Variants in PALM2AKAP2 observed in about 807,000 individuals in gnomAD.
PALM2AKAP2 encodes PALM2 and AKAP2 fusion.
Under a neutral mutation model 71.5 loss-of-function variants are expected in PALM2AKAP2, and 37 were observed. The ratio of observed to expected loss-of-function variants is 0.52; its 90% CI spans 0.40 to 0.68. The LOEUF (loss-of-function observed/expected upper bound fraction) is 0.68, where lower values mean the gene tolerates loss of function less well. Ranked by LOEUF, PALM2AKAP2 falls within the 30% of genes least tolerant of loss-of-function variation. PALM2AKAP2 has a pLI of 0.00. For synonymous variants in PALM2AKAP2, 468 were observed against 478.8 expected (o/e 0.98, Z 0.29); for missense variants, 1,224 against 1,191.8 (o/e 1.03, Z -0.40).
intron 1 of PALM2AKAP2, among the ~76,000 whole-genome samples, chr9:109,798,615 C>G (rs549100016): frequency 3.3e-5 from 5 of 152,336 alleles, no homozygotes; most frequent in Admixed American, 6.5e-5. Flanking sequence ...TTGGGCAAAG[C>G]TGTAAACTAC....
intron 6 of PALM2AKAP2, among the ~76,000 whole-genome samples, chr9:109,969,088 G>GCA (rs34057385): frequency 0.64 from 95,418 of 149,578 alleles, 30,425 homozygotes; most frequent in African/African-American, 0.74. Context: ...AAATGTGCGT[G>GCA]CACACACACA....
At chr9:109,936,277 T>A (rs1473289117) in intron 6 of PALM2AKAP2, among the ~76,000 whole-genome samples, 2 of 152,244 alleles carry the variant, frequency 1.3e-5, no homozygotes, top group Non-Finnish European at 2.9e-5. Flanking sequence ...CAATAAATTA[T>A]TGTTGGCTTT....
intron 3 of PALM2AKAP2, among the ~76,000 whole-genome samples, chr9:109,922,087 T>G (rs1012336420): frequency 6.6e-6 from 1 of 151,702 alleles, no homozygotes; most frequent in Non-Finnish European, 1.5e-5. Flanking sequence ...TTATTTTAGG[T>G]CTAAGTCTAA....
chr9:109,840,516 T>G (rs1828628296), intron 1 of PALM2AKAP2, among the ~76,000 whole-genome samples: 1 of 152,046 alleles, frequency 6.6e-6, no homozygotes, highest in Non-Finnish European at 1.5e-5. Context: ...AATTGACAAA[T>G]GGGATCTAAT....
At chr9:110,159,667 C>T (rs1342833975) in intron 3 of PALM2AKAP2, among the ~76,000 whole-genome samples, 1 of 152,156 alleles carries the variant, frequency 6.6e-6, no homozygotes, top group Non-Finnish European at 1.5e-5. Flanking sequence ...TAGAATGTAG[C>T]TACGGCTGAA....
Position 109,844,431 on chromosome 9 carries a change from G to A in PALM2AKAP2, c.46-23060G>A, listed in dbSNP as rs796422707. Among the ~76,000 whole-genome samples, 7 of 151,696 alleles carry A rather than the reference G, an allele frequency of 4.6e-5. 1 individual carries two copies. The South Asian group carries it at 1.5e-3, about 32-fold the overall frequency. On this transcript the variant is annotated intron_variant, in intron 1 of 9. Coordinates refer to the PALM2AKAP2 transcript ENST00000302798. ...GAACAAAGAAAGAACACTTGTGGGG[G>A]AAAAAAAATAGTGCAACCCAGAGTC...
chr9:109,831,462 G>T (rs1828299908), intron 1 of PALM2AKAP2, among the ~76,000 whole-genome samples: 1 of 152,162 alleles, frequency 6.6e-6, no homozygotes. Context: ...CTGTCCTGTT[G>T]TGTGGATACC....
intron 7 of PALM2AKAP2, among the ~76,000 whole-genome samples, chr9:110,030,628 T>C (rs962374972): frequency 1.4e-4 from 21 of 152,212 alleles, no homozygotes; most frequent in African/African-American, 5.1e-4. Flanking sequence ...TACTGAAGAT[T>C]GTTGAAGTGA....
chr9:110,035,551 T>C (rs1833381220), intron 7 of PALM2AKAP2, among the ~76,000 whole-genome samples: 1 of 145,428 alleles, frequency 6.9e-6, no homozygotes. Flanking sequence ...TTGTGTGTTA[T>C]ATATAACATA....
intron 1 of PALM2AKAP2, among the ~76,000 whole-genome samples, chr9:109,850,511 G>C (rs768221551): frequency 6.6e-6 from 1 of 152,074 alleles, no homozygotes; most frequent in Non-Finnish European, 1.5e-5. Context: ...CCTAAGAGAA[G>C]GGGCCTGAAA....
upstream of PALM2AKAP2, among the ~76,000 whole-genome samples, chr9:110,044,340 C>CTT (rs1291956311): frequency 8.2e-6 from 1 of 121,214 alleles, no homozygotes; most frequent in African/African-American, 3.2e-5. Flanking sequence ...CTTTTTCTTT[C>CTT]TTTCTTTTTT....
chr9:109,658,510 A>C (rs1174339150), intron 1 of PALM2AKAP2, among the ~76,000 whole-genome samples: 3 of 152,242 alleles, frequency 2.0e-5, no homozygotes, highest in Non-Finnish European at 4.4e-5. Context: ...GTACATAATA[A>C]AAAACTCTTA....
At chr9:109,981,805 A>G (rs2132197655) in intron 6 of PALM2AKAP2, among the ~76,000 whole-genome samples, 1 of 152,312 alleles carries the variant, frequency 6.6e-6, no homozygotes, top group Middle Eastern at 3.4e-3. Flanking sequence ...ACACGCAATA[A>G]CAAATGCCGG....
chr9:110,101,154 G>A (rs929503916), intron 1 of PALM2AKAP2, among the ~76,000 whole-genome samples: 3 of 152,178 alleles, frequency 2.0e-5, no homozygotes, highest in African/African-American at 7.2e-5. Context: ...TTGCACAAGT[G>A]TGTGTCTTTT....
At chr9:109,691,933 T>C (rs1564115058) in intron 1 of PALM2AKAP2, among the ~76,000 whole-genome samples, 6 of 134,650 alleles carry the variant, frequency 4.5e-5, no homozygotes, top group African/African-American at 1.4e-4. Context: ...TACACATATA[T>C]ATATATACAC....
At chr9:110,092,588 A>G (rs1834738498) in intron 1 of PALM2AKAP2, among the ~76,000 whole-genome samples, 1 of 152,122 alleles carries the variant, frequency 6.6e-6, no homozygotes, top group Admixed American at 6.5e-5. Context: ...GTGTGGTTTT[A>G]AGGGCAGTGA....
At chr9:109,783,322 C>CT (rs11302433) in intron 1 of PALM2AKAP2, among the ~76,000 whole-genome samples, 31 of 145,536 alleles carry the variant, frequency 2.1e-4, no homozygotes, top group Middle Eastern at 3.5e-3. Flanking sequence ...GTATTAATGA[C>CT]TTTTTTTTTT....
intron 1 of PALM2AKAP2, among the ~76,000 whole-genome samples, chr9:109,673,423 T>C (rs976606999): frequency 6.6e-6 from 1 of 152,114 alleles, no homozygotes; most frequent in South Asian, 2.1e-4. Context: ...TTGAGTAAAT[T>C]TCTTGGTTTT....
chr9:110,050,906 G>T (rs1193675480), intron 1 of PALM2AKAP2, among the ~76,000 whole-genome samples: 6 of 152,196 alleles, frequency 3.9e-5, no homozygotes, highest in Non-Finnish European at 7.3e-5. Context: ...GGGATTACAG[G>T]CATGAGCCAC....
Sources: gnomAD v4.1 joint callset for allele counts (sites outside exome capture counted in the v4.1 genomes callset) on GRCh38, gnomAD v4.1.1 for gene constraint, MANE v1.5 for transcripts, NCBI Gene and HGNC (gene_info 2026-07-23, HGNC 2026-07-21) for gene names.